ZNF618: variants seen among roughly 807,000 people sequenced by gnomAD.
ZNF618 encodes zinc finger protein 618.
A neutral mutation model predicts 103.0 loss-of-function variants in ZNF618; 34 were observed. The ratio of observed to expected loss-of-function variants is 0.33; its 90% CI spans 0.25 to 0.44. The LOEUF (loss-of-function observed/expected upper bound fraction) is 0.44, where lower values mean the gene tolerates loss of function less well. ZNF618 is among the 20% of genes least tolerant of loss of function. ZNF618 has a pLI of 1.00. For missense variants in ZNF618, 1,059 were observed against 1,295.4 expected, an observed-to-expected ratio of 0.82 and a Z score of 2.80; for synonymous variants, 551 against 542.2, an observed-to-expected ratio of 1.02 and a Z score of -0.23.
rs187259528 is a variant in ZNF618 at position 113,915,803 on chromosome 9, A to G, written c.33+39390A>G. On this transcript the variant is annotated intron_variant, in intron 1 of 14. Transcript: ENST00000374126. ...CAGATACTAGCTATTCTTGTGGACG[A>G]CCCTGTAAACCAGGTAGAGAATTTT... Among the ~76,000 whole-genome samples, 112 of 152,172 alleles carry G rather than the reference A, an allele frequency of 7.4e-4. No homozygotes were observed. In the Middle Eastern group the frequency reaches 0.014, roughly 19 times the overall value.
At chr9:114,043,606 G>A (rs904213883) in intron 13 of ZNF618, among the ~76,000 whole-genome samples, 46 of 152,112 alleles carry the variant, frequency 3.0e-4, no homozygotes, top group African/African-American at 1.0e-3. Context: ...CTACTTTTAG[G>A]TCTTTAAGGA....
chr9:114,013,919 A>C (rs1308224999), intron 9 of ZNF618, among the ~76,000 whole-genome samples: 1 of 152,206 alleles, frequency 6.6e-6, no homozygotes, highest in Non-Finnish European at 1.5e-5. Context: ...CTATGTTGTA[A>C]CAGTCTTTCC....
chr9:114,037,095 C>A (rs189771108), intron 13 of ZNF618, among the ~76,000 whole-genome samples: 1 of 152,130 alleles, frequency 6.6e-6, no homozygotes, highest in Non-Finnish European at 1.5e-5. Flanking sequence ...CATTTCACCA[C>A]GGCATAACAC....
rs1846465319 is a variant in ZNF618, at chr9:114,055,991, T to C, written c.*5824T>C. Reference sequence around the variant, plus strand: ...TACTGTATTTAAAAAAAAAAAAAGTTACCTATTGTCACACTTGCTGTGTTA... The same window carrying C: ...TACTGTATTTAAAAAAAAAAAAAGTCACCTATTGTCACACTTGCTGTGTTA... On this transcript the variant is annotated 3_prime_UTR_variant, in exon 15 of 15. Transcript: ENST00000374126. 6.6e-6 allele frequency: 1 copy of C among 152,340 alleles called. No homozygotes were observed. Among genetic ancestry groups the C allele is most frequent in the South Asian group, 2.1e-4 (1 of 4,814 alleles). The allele number at this position is 152,340 out of a possible 1,614,324, so 9.4% of individuals were successfully genotyped here.
At chr9:114,044,313 A>G (rs1236832989) in intron 13 of ZNF618, among the ~76,000 whole-genome samples, 3 of 151,742 alleles carry the variant, frequency 2.0e-5, no homozygotes, top group African/African-American at 7.3e-5. Context: ...TCCTTTCCCC[A>G]CTTTATGTTT....
At position 113,936,648 on chromosome 9, in the gene ZNF618, A is replaced by G. The variant is rs76093953; in HGVS notation, c.34-32469A>G. On this transcript the variant is annotated intron_variant, in intron 1 of 14. Coordinates refer to ENST00000374126, the MANE Select transcript of ZNF618 (RefSeq NM_001318042.2). ...GTAAGAATAGTACCATCACTGGGTT[A>G]TAAGAATCAGCTGAGATAACATGTA... 6.2e-3 allele frequency among the ~76,000 whole-genome samples: 942 copies of G among 152,318 alleles called. 10 individuals carry two copies. Among genetic ancestry groups the G allele is most frequent in the African/African-American group, 0.022 (900 of 41,566 alleles).
intron 10 of ZNF618, among the ~76,000 whole-genome samples, chr9:114,026,562 T>C (rs1843516397): frequency 6.6e-6 from 1 of 152,210 alleles, no homozygotes; most frequent in Non-Finnish European, 1.5e-5. Flanking sequence ...TGTGGGTCAC[T>C]GCCATGGAGA....
At chr9:113,997,429 G>T (rs982839753) in intron 3 of ZNF618, among the ~76,000 whole-genome samples, 2 of 152,214 alleles carry the variant, frequency 1.3e-5, no homozygotes, top group African/African-American at 2.4e-5. Context: ...TGCTTTCCAA[G>T]AAGCTAGTTG....
intron 1 of ZNF618, among the ~76,000 whole-genome samples, chr9:113,902,767 A>G (rs1374338702): frequency 6.6e-6 from 1 of 152,192 alleles, no homozygotes; most frequent in African/African-American, 2.4e-5. Context: ...CATAGTTTAT[A>G]TAACCAGTCC....
chr9:113,909,179 G>A (rs1448895692), intron 1 of ZNF618, among the ~76,000 whole-genome samples: 3 of 152,022 alleles, frequency 2.0e-5, no homozygotes, highest in African/African-American at 7.2e-5. Context: ...ATGGGTTGGA[G>A]GGAATGGTCC....
At chr9:113,892,307 T>G (rs1272890327) in intron 1 of ZNF618, among the ~76,000 whole-genome samples, 1 of 152,214 alleles carries the variant, frequency 6.6e-6, no homozygotes, top group African/African-American at 2.4e-5. Context: ...CTCTAGATTA[T>G]GTATAGTACC....
intron 1 of ZNF618, among the ~76,000 whole-genome samples, chr9:113,921,492 G>C (rs1459184762): frequency 6.6e-6 from 1 of 152,252 alleles, no homozygotes; most frequent in Non-Finnish European, 1.5e-5. Context: ...GCTTCTTCAT[G>C]GTTATGGCCC....
intron 1 of ZNF618, among the ~76,000 whole-genome samples, chr9:113,902,060 G>A (rs1830606281): frequency 6.6e-6 from 1 of 152,036 alleles, no homozygotes; most frequent in African/African-American, 2.4e-5. Context: ...AAATGGCAGT[G>A]CTTCCATTTT....
chr9:114,011,614 C>T lies in ZNF618; in HGVS notation c.754+3060C>T, dbSNP rs145353744. 3.3e-3 allele frequency among the ~76,000 whole-genome samples: 503 copies of T among 152,218 alleles called. 2 individuals carry two copies. Among genetic ancestry groups the T allele is most frequent in the African/African-American group, 7.2e-3 (299 of 41,522 alleles). On this transcript the variant is annotated intron_variant, in intron 9 of 14. Transcript: ENST00000374126. ...ATAAGCAGGCCAATGCCACAGAACGCGAAAAACGATTAGCCAGTAGAGGCA... is the reference window on the plus strand; with the variant it reads ...ATAAGCAGGCCAATGCCACAGAACGTGAAAAACGATTAGCCAGTAGAGGCA...
intron 1 of ZNF618, among the ~76,000 whole-genome samples, chr9:113,943,114 C>T (rs1457428034): frequency 2.6e-5 from 4 of 152,188 alleles, no homozygotes; most frequent in Non-Finnish European, 5.9e-5. Flanking sequence ...CTCTTCACTC[C>T]TCCTGGCGTG....
chr9:114,016,664 A>G (rs748051373), intron 9 of ZNF618, 31 bp from the exon 10 acceptor site: 3 of 1,598,112 alleles, frequency 1.9e-6, no homozygotes, highest in Middle Eastern at 1.6e-4. Context: ...CCAGTTGCAC[A>G]TTCTTACACC....
intron 1 of ZNF618, among the ~76,000 whole-genome samples, chr9:113,897,375 G>A (rs528269485): frequency 3.9e-5 from 6 of 152,210 alleles, no homozygotes; most frequent in Non-Finnish European, 1.5e-5. Context: ...ACGATATTTT[G>A]CTTTTGTGCT....
intron 10 of ZNF618, among the ~76,000 whole-genome samples, chr9:114,020,394 TC>T (rs1842970707): frequency 6.6e-6 from 1 of 152,168 alleles, no homozygotes. Context: ...AATCTGTAGA[TC>T]AATTTGGGGA....
rs113421772 is a variant in ZNF618 at position 113,919,274 on chromosome 9, G to T, written c.33+42861G>T. Reference sequence around the variant, plus strand: ...CCGCGGCAGGGAGAGATGCTCTGGTGGCTGATGGCAGAGGTCCTGGGACCC... The same window carrying T: ...CCGCGGCAGGGAGAGATGCTCTGGTTGCTGATGGCAGAGGTCCTGGGACCC... On this transcript the variant is annotated intron_variant, in intron 1 of 14. Coordinates refer to ENST00000374126, the MANE Select transcript of ZNF618 (RefSeq NM_001318042.2). Among the ~76,000 whole-genome samples, 447 of 152,306 alleles carry T rather than the reference G, an allele frequency of 2.9e-3. 2 individuals are homozygous for T. Among genetic ancestry groups the T allele is most frequent in the African/African-American group, 0.011 (437 of 41,568 alleles).
Sources: gnomAD v4.1 joint callset for allele counts (sites outside exome capture counted in the v4.1 genomes callset) on GRCh38, gnomAD v4.1.1 for gene constraint, MANE v1.5 for transcripts, NCBI Gene and HGNC (gene_info 2026-07-23, HGNC 2026-07-21) for gene names.